The following P2RY12 variants were observed in gnomAD, a reference collection of about 807,000 sequenced individuals.
The protein encoded by P2RY12 is purinergic receptor P2Y12.
P2RY12 carries 3 observed loss-of-function variants against 4.5 expected under a neutral mutation model. That is an observed-to-expected ratio of 0.67 (90% CI 0.31 to 1.74). P2RY12 has a LOEUF of 1.74. Ranked by LOEUF, P2RY12 falls within the 40% of genes most tolerant of loss-of-function variation. P2RY12 has a pLI of 0.09. For missense variants in P2RY12, 356 were observed against 407.8 expected, an observed-to-expected ratio of 0.87 and a Z score of 1.09; for synonymous variants, 148 against 154.1, an observed-to-expected ratio of 0.96 and a Z score of 0.29.
intron 1 of P2RY12, chr3:151,376,113 C>A: frequency 6.2e-7 from 1 of 1,610,858 alleles, no homozygotes; most frequent in Non-Finnish European, 8.5e-7. Context: ...TTCAAATATG[C>A]AAGCACAGAA....
intron 1 of P2RY12, chr3:151,355,169 C>T (rs1753754646): frequency 6.8e-6 from 11 of 1,613,972 alleles, no homozygotes; most frequent in Non-Finnish European, 9.3e-6. Context: ...GAGACATTTC[C>T]AACACTGGAG....
intron 1 of P2RY12, chr3:151,377,007 C>A (rs756162005): frequency 6.9e-5 from 111 of 1,613,568 alleles, no homozygotes; most frequent in Non-Finnish European, 9.0e-5. Context: ...GGTTCTGTGG[C>A]CGAAATGAAC....
intron 1 of P2RY12, chr3:151,365,086 C>T: frequency 6.2e-7 from 1 of 1,614,094 alleles, no homozygotes; most frequent in Non-Finnish European, 8.5e-7. Flanking sequence ...GAGAATCCCT[C>T]AGCCCGCAGC....
intron 1 of P2RY12, among the ~76,000 whole-genome samples, chr3:151,348,582 T>G (rs1030654792): frequency 4.1e-4 from 63 of 152,028 alleles, no homozygotes; most frequent in African/African-American, 1.3e-3. Context: ...TCTTTTTTTT[T>G]TTTTTGGAGG....
chr3:151,375,285 A>C (rs1368922768), intron 1 of P2RY12, among the ~76,000 whole-genome samples: 1 of 152,232 alleles, frequency 6.6e-6, no homozygotes, highest in Non-Finnish European at 1.5e-5. Context: ...ATGGTGGTTA[A>C]AAAACAGACT....
Position 151,338,104 on chromosome 3 carries a change from A to G in P2RY12, c.742T>C (p.Cys248Arg). 6 of 1,614,032 alleles carry G rather than the reference A, an allele frequency of 3.7e-6. No homozygotes were observed. The highest frequency in any genetic ancestry group is 5.1e-6 in the Non-Finnish European group (6 of 1,179,956). The stretch of plus-strand genomic sequence containing the variant: ...CGGGCAAAATGGAAAGGAACAAAAC[A>G]AATAAAGAATACAGCAATGATAATG... ...VFIIIAVFFICFVPFHFARIP... is the reference protein window; with the variant it reads ...VFIIIAVFFIRFVPFHFARIP... The change falls in exon 3 of 3, where the codon TGT becomes CGT. Residue 248 changes from cysteine (C) to arginine (R), a missense_variant. Cys to Arg is a radical substitution (Grantham distance 180). Transcript: ENST00000302632.
chr3:151,372,126 C>T (rs1756259578), intron 1 of P2RY12, among the ~76,000 whole-genome samples: 1 of 152,192 alleles, frequency 6.6e-6, no homozygotes, highest in African/African-American at 2.4e-5. Flanking sequence ...AAACTTTTCT[C>T]TTGACCTATG....
chr3:151,371,787 T>C (rs886302135), intron 1 of P2RY12, among the ~76,000 whole-genome samples: 1 of 152,222 alleles, frequency 6.6e-6, no homozygotes, highest in Non-Finnish European at 1.5e-5. Context: ...TGAATTTTTA[T>C]TACTCTCTCA....
chr3:151,337,218 C>G lies in P2RY12; in HGVS notation c.*599G>C, dbSNP rs1335676040. Among the ~76,000 whole-genome samples the G allele has an allele frequency of 6.6e-6, 1 of 151,912 alleles. No individual in the cohort carries two copies. The highest frequency in any genetic ancestry group is 2.4e-5 in the African/African-American group (1 of 41,388). On this transcript the variant is annotated 3_prime_UTR_variant, in exon 3 of 3. Coordinates refer to ENST00000302632, the MANE Select transcript of P2RY12 (RefSeq NM_022788.5). ...AAGGTCTTCTTTAAATCTTTATCTT[C>G]TAAATAAACATAAAAAATTAAGTCC...
At chr3:151,376,583 C>T (rs1016519991) in intron 1 of P2RY12, among the ~76,000 whole-genome samples, 1 of 152,054 alleles carries the variant, frequency 6.6e-6, no homozygotes, top group African/African-American at 2.4e-5. Flanking sequence ...CTGAGTCAGG[C>T]ACAGTATTAA....
chr3:151,362,170 A>G (rs1325703638), intron 1 of P2RY12, among the ~76,000 whole-genome samples: 1 of 151,958 alleles, frequency 6.6e-6, no homozygotes. Context: ...ACCATTGCAG[A>G]GTTCTTCTAA....
chr3:151,354,993 T>C (rs1577417248), intron 1 of P2RY12: 1 of 713,960 alleles, frequency 1.4e-6, no homozygotes, highest in East Asian at 2.7e-5. Flanking sequence ...GTGTATTTAT[T>C]TTATTGAAAT....
intron 1 of P2RY12, chr3:151,364,862 G>T: frequency 1.4e-6 from 1 of 716,434 alleles, no homozygotes; most frequent in South Asian, 1.8e-5. Flanking sequence ...CTCATAATGT[G>T]AATCTTCTCT....
intron 1 of P2RY12, chr3:151,380,361 C>T (rs939184550): frequency 3.2e-5 from 18 of 555,650 alleles, no homozygotes; most frequent in Middle Eastern, 4.4e-4. Context: ...CTTTGGGAGG[C>T]GGAGGCTGGT....
rs1711989766 is a variant in P2RY12, at chr3:151,380,112, G to A, written c.-180+4580C>T. ...TGTTGTTATTATTACTTCCTTTGTAGTATGTCTCTTTTGAGTCAACAACCC... is the reference window on the plus strand; with the variant it reads ...TGTTGTTATTATTACTTCCTTTGTAATATGTCTCTTTTGAGTCAACAACCC... On this transcript the variant is annotated intron_variant, in intron 1 of 2. Transcript: ENST00000302632. The A allele has an allele frequency of 1.3e-6, 2 of 1,561,314 alleles. No individual in the cohort carries two copies.
intron 1 of P2RY12, among the ~76,000 whole-genome samples, chr3:151,341,816 GA>G (rs1028827228): frequency 2.0e-5 from 3 of 151,474 alleles, no homozygotes; most frequent in African/African-American, 7.3e-5. Flanking sequence ...CTATGAGTGA[GA>G]ATATGTGGTG....
chr3:151,376,784 T>C (rs766347501), intron 1 of P2RY12: 1 of 1,609,004 alleles, frequency 6.2e-7, no homozygotes, highest in South Asian at 1.1e-5. Flanking sequence ...GTTTTAATTC[T>C]TTCCATTTTT....
chr3:151,379,670 A>C (rs1317193398), intron 1 of P2RY12, among the ~76,000 whole-genome samples: 1 of 152,214 alleles, frequency 6.6e-6, no homozygotes, highest in Non-Finnish European at 1.5e-5. Context: ...ATCAAACCCC[A>C]AAACAAGCTC....
intron 1 of P2RY12, chr3:151,360,627 G>T: frequency 6.2e-7 from 1 of 1,600,670 alleles, no homozygotes; most frequent in Non-Finnish European, 8.5e-7. Flanking sequence ...AGACTCAAAA[G>T]GACAGAAATA....
Sources: gnomAD v4.1 joint callset for allele counts (sites outside exome capture counted in the v4.1 genomes callset) on GRCh38, gnomAD v4.1.1 for gene constraint, MANE v1.5 for transcripts, NCBI Gene and HGNC (gene_info 2026-07-23, HGNC 2026-07-21) for gene names.